CSMD2: variants seen among roughly 807,000 people sequenced by gnomAD.
CSMD2 encodes CUB and sushi domain-containing protein 2.
Under a neutral mutation model 398.5 loss-of-function variants are expected in CSMD2, and 130 were observed. The ratio of observed to expected loss-of-function variants is 0.33; its 90% CI spans 0.28 to 0.38. The LOEUF is 0.38. Ranked by LOEUF, CSMD2 falls within the 10% of genes least tolerant of loss-of-function variation. The probability of loss-of-function intolerance (pLI) is 1.00; values close to 1 mark genes in which losing one functional copy is unlikely to be tolerated. For synonymous variants in CSMD2, 1,828 were observed against 1,908.5 expected, an observed-to-expected ratio of 0.96 and a Z score of 1.10; for missense variants, 3,829 against 4,764.9, an observed-to-expected ratio of 0.80 and a Z score of 5.78.
At chr1:33,805,759 C>T (rs969605678) in intron 10 of CSMD2, among the ~76,000 whole-genome samples, 7 of 152,046 alleles carry the variant, frequency 4.6e-5, no homozygotes, top group African/African-American at 1.7e-4. Context: ...TGAGAGGACA[C>T]AGTGAGAAGG....
chr1:33,680,910 G>A (rs1212836592), intron 25 of CSMD2, among the ~76,000 whole-genome samples: 1 of 77,260 alleles, frequency 1.3e-5, no homozygotes, highest in African/African-American at 5.1e-5. Flanking sequence ...CCATCATCCT[G>A]TTTTATGCTT....
At chr1:33,521,805 C>A (rs1654327519) in intron 67 of CSMD2, among the ~76,000 whole-genome samples, 1 of 152,178 alleles carries the variant, frequency 6.6e-6, no homozygotes, top group Non-Finnish European at 1.5e-5. Context: ...TCTCTCTGTG[C>A]CTCAGTTTGT....
intron 13 of CSMD2, among the ~76,000 whole-genome samples, chr1:33,766,728 T>C (rs955728112): frequency 1.3e-5 from 2 of 152,246 alleles, no homozygotes; most frequent in Non-Finnish European, 2.9e-5. Flanking sequence ...ATTTGAAGTT[T>C]AGTGAAGCTA....
Position 33,533,344 on chromosome 1 carries a change from T to C in CSMD2, c.9992-115A>G. ...CCTCTTCCTTTCCCTTCCAGTCCCT[T>C]TCATGCCAAGCATCCCCCTCCCTAA... On this transcript the variant is annotated intron_variant, in intron 63 of 70. Transcript: ENST00000373381. The surrounding 1 kb of genome is among the most constrained non-coding windows in gnomAD (Gnocchi z 4.2). 1 of 972,582 alleles carries C rather than the reference T, an allele frequency of 1.0e-6. No homozygotes were observed. Among genetic ancestry groups the C allele is most frequent in the Non-Finnish European group, 1.5e-6 (1 of 651,822 alleles). The allele number at this position is 972,582 out of a possible 1,614,324, so 60.2% of individuals were successfully genotyped here.
chr1:33,645,344 TACACACACACAC>T (rs4044501), intron 29 of CSMD2, among the ~76,000 whole-genome samples: 1,566 of 136,366 alleles, frequency 0.011, 21 homozygotes, highest in South Asian at 0.025. Context: ...TGGAGCATTA[TACACACACACAC>T]ACACACACAC....
At chr1:34,077,777 A>T (rs540572114) in intron 2 of CSMD2, among the ~76,000 whole-genome samples, 1 of 146,244 alleles carries the variant, frequency 6.8e-6, no homozygotes. Context: ...CTGTGAGGAG[A>T]CTCCAAAAGG....
At chr1:33,603,510 G>A (rs966957305) in intron 42 of CSMD2, among the ~76,000 whole-genome samples, 1 of 152,158 alleles carries the variant, frequency 6.6e-6, no homozygotes, top group Non-Finnish European at 1.5e-5. Context: ...CAGAGGCCAG[G>A]GGTCCTGTGA....
intron 5 of CSMD2, among the ~76,000 whole-genome samples, chr1:33,916,879 A>T (rs1182053260): frequency 1.3e-5 from 2 of 152,126 alleles, no homozygotes; most frequent in Admixed American, 1.3e-4. Context: ...TGGTGTTCCT[A>T]CCGCCATGAA....
At position 33,623,481 on chromosome 1, in the gene CSMD2, G is replaced by T. The variant is rs1191610275; in HGVS notation, c.5626-15C>A. ...ACAACTTGGATCTGGGAAGGGAGAA[G>T]AGTGAATTGTTGGTTAGGCAGCCTG... On this transcript the variant is annotated splice_polypyrimidine_tract_variant and intron_variant, in intron 35 of 70. Coordinates refer to ENST00000373381, the MANE Select transcript of CSMD2 (RefSeq NM_001281956.2). The T allele has an allele frequency of 1.9e-6, 3 of 1,605,306 alleles. No homozygotes were observed. The highest frequency in any genetic ancestry group is 1.7e-4 in the Middle Eastern group (1 of 6,048).
intron 3 of CSMD2, among the ~76,000 whole-genome samples, chr1:34,011,821 A>G (rs1647372813): frequency 6.6e-6 from 1 of 152,138 alleles, no homozygotes; most frequent in South Asian, 2.1e-4. Flanking sequence ...GGTCTTATTC[A>G]TGATAATGAT....
rs573490855 is a variant in CSMD2, at chr1:33,903,900, G to A, written c.920+14194C>T. Among the ~76,000 whole-genome samples the A allele has an allele frequency of 2.2e-4, 33 of 152,200 alleles. No individual in the cohort carries two copies. In the South Asian group the frequency reaches 6.0e-3, roughly 28 times the overall value. On this transcript the variant is annotated intron_variant, in intron 5 of 70. Transcript: ENST00000373381. The stretch of plus-strand genomic sequence containing the variant: ...GTTTTTTGTTTTTTTAACTTGGAAG[G>A]AAGATTTGAAGACTGTGAAGGAGGA...
intron 2 of CSMD2, among the ~76,000 whole-genome samples, chr1:34,064,577 T>G (rs1257608738): frequency 6.6e-6 from 1 of 152,174 alleles, no homozygotes; most frequent in East Asian, 1.9e-4. Flanking sequence ...TGTCAGCATT[T>G]CAAAGCCGTT....
intron 1 of CSMD2, among the ~76,000 whole-genome samples, chr1:34,156,034 G>A (rs1363281409): frequency 6.6e-6 from 1 of 152,196 alleles, no homozygotes; most frequent in African/African-American, 2.4e-5. Context: ...TCTGCTATGA[G>A]TCAGCCCTTC....
At position 33,625,135 on chromosome 1, in the gene CSMD2, C is replaced by A. The variant is rs144691032; in HGVS notation, c.5416G>T (p.Ala1806Ser). 2 of 1,614,116 alleles carry A rather than the reference C, an allele frequency of 1.2e-6. No homozygotes were observed. The highest frequency in any genetic ancestry group is 3.3e-5 in the Admixed American group (2 of 60,032). The stretch of plus-strand genomic sequence containing the variant: ...TCGATCTCTGGCGACCCCTGCAGGG[C>A]ATAGCCGGAGTTGCATTCGAAGCGG... ...IVRFECNSGY[A>S]LQGSPEIECL... Residue 1806 changes from alanine (A) to serine (S), a missense_variant, in exon 34 of 71, where the codon GCC (alanine) becomes TCC (serine). This residue lies in a region of CSMD2 where 2,001 missense variants were observed against 2,567.1 expected (regional missense o/e 0.78). Coordinates refer to ENST00000373381, the MANE Select transcript of CSMD2 (RefSeq NM_001281956.2).
chr1:33,709,252 C>T lies in CSMD2; in HGVS notation c.3413G>A (p.Cys1138Tyr). 1.2e-6 allele frequency: 2 copies of T among 1,613,006 alleles called. No homozygotes were observed. Among genetic ancestry groups the T allele is most frequent in the Non-Finnish European group, 1.7e-6 (2 of 1,179,498 alleles). ...SSPLPRCVAECGNSVTGTQGT... is the reference protein window; with the variant it reads ...SSPLPRCVAEYGNSVTGTQGT... ...CTGAGTGCCTGTGACTGAATTCCCA[C>T]ACTCAGCTGGAAAGAGAATCACAAT... Residue 1138 changes from cysteine (C) to tyrosine (Y), a missense_variant, in exon 22 of 71, where the codon TGT (cysteine) becomes TAT (tyrosine). Cys to Tyr is a radical substitution (Grantham distance 194). Coordinates refer to ENST00000373381, the MANE Select transcript of CSMD2 (RefSeq NM_001281956.2).
chr1:33,734,970 T>C (rs1254295336), intron 15 of CSMD2, among the ~76,000 whole-genome samples: 1 of 152,210 alleles, frequency 6.6e-6, no homozygotes, highest in Non-Finnish European at 1.5e-5. Context: ...GTCATTTTGT[T>C]TCATGCTGTC....
intron 5 of CSMD2, among the ~76,000 whole-genome samples, chr1:33,911,961 G>A (rs1643469468): frequency 6.6e-6 from 1 of 152,212 alleles, no homozygotes. Context: ...AGAAGCCCTA[G>A]AAGAATGCGC....
intron 1 of CSMD2, among the ~76,000 whole-genome samples, chr1:34,146,399 T>G (rs531333176): frequency 6.6e-6 from 1 of 152,324 alleles, no homozygotes; most frequent in African/African-American, 2.4e-5. Flanking sequence ...TGCCAGTTCT[T>G]CAAGAGGTAC....
Position 33,533,082 on chromosome 1 carries a change from C to A in CSMD2, c.10139G>T (p.Gly3380Val), listed in dbSNP as rs1471160058. 1 of 1,613,426 alleles carries A rather than the reference C, an allele frequency of 6.2e-7. No homozygotes were observed. The highest frequency in any genetic ancestry group is 8.5e-7 in the Non-Finnish European group (1 of 1,179,810). ...GATGGGCGGCTTGCCTGTCCAGCTG[C>A]CATCCGCCTTGCAGGTGCGGTGCTC... ...GSEHRTCKADGSWTGKPPICL... is the reference protein window; with the variant it reads ...GSEHRTCKADVSWTGKPPICL... Residue 3380 changes from glycine to valine, a missense_variant, in exon 64 of 71, where the codon GGC becomes GTC. Coordinates refer to ENST00000373381, the MANE Select transcript of CSMD2 (RefSeq NM_001281956.2). The surrounding 1 kb of genome is among the most constrained non-coding windows in gnomAD (Gnocchi z 4.2).
Sources: gnomAD v4.1 joint callset for allele counts (sites outside exome capture counted in the v4.1 genomes callset) on GRCh38, gnomAD v4.1.1 for gene constraint, gnomAD v4.1.1 regional missense constraint, Gnocchi (gnomAD v3.1) non-coding constraint, MANE v1.5 for transcripts, NCBI Gene and HGNC (gene_info 2026-07-23, HGNC 2026-07-21) for gene names.